PDZRN4: variants seen among roughly 807,000 people sequenced by gnomAD.
PDZRN4 encodes PDZ domain containing ring finger 4.
A neutral mutation model predicts 99.0 loss-of-function variants in PDZRN4; 70 were observed. The ratio of observed to expected loss-of-function variants is 0.71; its 90% confidence interval spans 0.58 to 0.86. PDZRN4 has a LOEUF of 0.86. Ranked by LOEUF, PDZRN4 falls within the 40% of genes least tolerant of loss-of-function variation. PDZRN4 has a pLI of 0.00. For synonymous variants in PDZRN4, 551 were observed against 501.6 expected (o/e 1.10, Z -1.32); for missense variants, 1,474 against 1,331.2 (o/e 1.11, Z -1.67).
At chr12:41,303,385 C>G (rs1047510073) in intron 3 of PDZRN4, among the ~76,000 whole-genome samples, 1 of 152,132 alleles carries the variant, frequency 6.6e-6, no homozygotes, top group African/African-American at 2.4e-5. Context: ...TGATCTCATG[C>G]CTACGGGCTT....
intron 3 of PDZRN4, among the ~76,000 whole-genome samples, chr12:41,227,670 T>G (rs1033532162): frequency 6.6e-6 from 1 of 151,650 alleles, no homozygotes; most frequent in Non-Finnish European, 1.5e-5. Flanking sequence ...CTCTCAACAA[T>G]AACAACAACA....
chr12:41,383,996 TTTTTTTTTTTTTTTTTTTTTTTTTG>T (rs1952146294), intron 3 of PDZRN4, among the ~76,000 whole-genome samples: 18 of 63,470 alleles, frequency 2.8e-4, no homozygotes, highest in Admixed American at 7.3e-4. Context: ...TTTTTTTTTT[TTTTTTTTTTTTTTTTTTTTTTTTTG>T]AGACGGAATC....
At chr12:41,370,138 G>A (rs1952030654) in intron 3 of PDZRN4, among the ~76,000 whole-genome samples, 1 of 151,848 alleles carries the variant, frequency 6.6e-6, no homozygotes, top group African/African-American at 2.4e-5. Context: ...TACAGTCAAT[G>A]CTATTTGAAA....
intron 3 of PDZRN4, among the ~76,000 whole-genome samples, chr12:41,479,930 C>T (rs1937648031): frequency 6.6e-6 from 1 of 152,114 alleles, no homozygotes; most frequent in African/African-American, 2.4e-5. Flanking sequence ...CATCATTGGT[C>T]CATAACTTTA....
At chr12:41,571,362 TCTCTCTCTCTCTCTCACACACA>T (rs1939471641) in intron 9 of PDZRN4, among the ~76,000 whole-genome samples, 1 of 97,762 alleles carries the variant, frequency 1.0e-5, no homozygotes, top group Non-Finnish European at 1.9e-5. Flanking sequence ...TCTCTCTCTC[TCTCTCTCTCTCTCTCACACACA>T]CACACACACA....
chr12:41,192,031 A>G (rs1950739056), intron 2 of PDZRN4, among the ~76,000 whole-genome samples: 2 of 151,614 alleles, frequency 1.3e-5, no homozygotes, highest in African/African-American at 4.9e-5. Flanking sequence ...GATCCACCTC[A>G]CGGTCTCCCA....
chr12:41,569,149 T>G (rs1939431422), intron 9 of PDZRN4, among the ~76,000 whole-genome samples: 1 of 150,784 alleles, frequency 6.6e-6, no homozygotes, highest in Non-Finnish European at 1.5e-5. Flanking sequence ...AGATAGAGTC[T>G]CACTCTGTCG....
At chr12:41,298,874 A>C (rs1423591853) in intron 3 of PDZRN4, among the ~76,000 whole-genome samples, 1 of 152,122 alleles carries the variant, frequency 6.6e-6, no homozygotes, top group Non-Finnish European at 1.5e-5. Context: ...CCCCTTCTAC[A>C]CTTTAAAGTG....
chr12:41,299,241 TG>T (rs1266234706), intron 3 of PDZRN4, among the ~76,000 whole-genome samples: 2 of 151,780 alleles, frequency 1.3e-5, no homozygotes, highest in Non-Finnish European at 2.9e-5. Context: ...GAAATGTTCT[TG>T]TTTTTGGTTT....
At chr12:41,263,094 G>T (rs1266070155) in intron 3 of PDZRN4, among the ~76,000 whole-genome samples, 1 of 152,052 alleles carries the variant, frequency 6.6e-6, no homozygotes. Context: ...GATTCCTTTA[G>T]TGAAGTCTCA....
chr12:41,293,359 GCT>G (rs1175648237), intron 3 of PDZRN4, among the ~76,000 whole-genome samples: 1 of 151,108 alleles, frequency 6.6e-6, no homozygotes, highest in Non-Finnish European at 1.5e-5. Context: ...ATAAAGCTTA[GCT>G]CTCTCCACTC....
chr12:41,389,827 T>C (rs1047976738), intron 3 of PDZRN4, among the ~76,000 whole-genome samples: 6 of 152,048 alleles, frequency 3.9e-5, no homozygotes, highest in Non-Finnish European at 8.8e-5. Context: ...CCTGGAAGAG[T>C]GATCAGACAT....
At chr12:41,455,932 T>A (rs145625491) in intron 3 of PDZRN4, among the ~76,000 whole-genome samples, 1 of 152,362 alleles carries the variant, frequency 6.6e-6, no homozygotes, top group Admixed American at 6.5e-5. Context: ...TCCCTCACCC[T>A]GTCCCCTCAA....
chr12:41,243,549 T>C (rs1231129485), intron 3 of PDZRN4, among the ~76,000 whole-genome samples: 1 of 152,184 alleles, frequency 6.6e-6, no homozygotes, highest in African/African-American at 2.4e-5. Context: ...TTAAAAATAT[T>C]TTCAGTTAGT....
At chr12:41,468,001 T>C (rs1026488130) in intron 3 of PDZRN4, among the ~76,000 whole-genome samples, 5 of 152,214 alleles carry the variant, frequency 3.3e-5, no homozygotes, top group African/African-American at 1.2e-4. Flanking sequence ...ACCTACTTAG[T>C]GCCAGGCATT....
At chr12:41,355,936 G>T (rs374625989) in intron 3 of PDZRN4, among the ~76,000 whole-genome samples, 4 of 151,934 alleles carry the variant, frequency 2.6e-5, no homozygotes, top group South Asian at 4.1e-4. Flanking sequence ...TTTACAAGTG[G>T]GTTCTTGCCT....
chr12:41,207,872 A>G (rs915250979), intron 3 of PDZRN4, among the ~76,000 whole-genome samples: 2 of 151,816 alleles, frequency 1.3e-5, no homozygotes. Flanking sequence ...GTGGAGACCT[A>G]TGGAGTTGAT....
intron 3 of PDZRN4, among the ~76,000 whole-genome samples, chr12:41,457,862 T>C (rs1050583921): frequency 1.3e-5 from 2 of 152,194 alleles, no homozygotes; most frequent in Admixed American, 1.3e-4. Flanking sequence ...GTGCAAGGCA[T>C]TGCAGTAGCA....
chr12:41,541,964 A>G (rs1489001236), intron 5 of PDZRN4, among the ~76,000 whole-genome samples: 1 of 152,180 alleles, frequency 6.6e-6, no homozygotes, highest in Admixed American at 6.6e-5. Context: ...ATAAAACAGT[A>G]TCCCAAACAG....
Sources: allele counts gnomAD v4.1 joint callset (sites outside exome capture counted in the v4.1 genomes callset), GRCh38; gene constraint gnomAD v4.1.1; transcripts MANE v1.5; gene names NCBI Gene and HGNC (gene_info 2026-07-23, HGNC 2026-07-21).